Variants in CRIM1 observed in about 807,000 individuals in gnomAD.
CRIM1 encodes the protein cysteine rich transmembrane BMP regulator 1, also known as cysteine-rich motor neuron 1 protein.
CRIM1 carries 32 observed loss-of-function variants against 116.4 expected under a neutral mutation model. The observed-to-expected ratio is 0.27, with a 90% CI of 0.21 to 0.37. CRIM1 has a LOEUF of 0.37. Ranked by LOEUF, CRIM1 falls within the 10% of genes least tolerant of loss-of-function variation. CRIM1 has a pLI of 1.00. For missense variants in CRIM1, 1,331 were observed against 1,354.8 expected (o/e 0.98, Z 0.28); for synonymous variants, 590 against 509.2 (o/e 1.16, Z -2.13).
chr2:36,506,203 ACAC>A (rs1340477627), intron 8 of CRIM1, among the ~76,000 whole-genome samples: 2 of 151,202 alleles, frequency 1.3e-5, no homozygotes, highest in Non-Finnish European at 3.0e-5. Flanking sequence ...ACACACACAC[ACAC>A]ACACACACAC....
At chr2:36,420,797 A>G (rs181927710) in intron 2 of CRIM1, among the ~76,000 whole-genome samples, 171 of 152,342 alleles carry the variant, frequency 1.1e-3, no homozygotes, top group Non-Finnish European at 2.0e-3. Context: ...CCATAGCAGA[A>G]CAGATGGGCA....
At chr2:36,363,219 G>GA (rs1669346462) in intron 1 of CRIM1, among the ~76,000 whole-genome samples, 1 of 142,800 alleles carries the variant, frequency 7.0e-6, no homozygotes, top group Admixed American at 7.0e-5. Flanking sequence ...AAAAAAAAAA[G>GA]AACTTGGTTT....
At chr2:36,509,117 C>G (rs114453867) in intron 8 of CRIM1, among the ~76,000 whole-genome samples, 29 of 152,170 alleles carry the variant, frequency 1.9e-4, no homozygotes, top group Non-Finnish European at 3.2e-4. Flanking sequence ...AAAAGATGTA[C>G]TTTTTTGAAA....
At chr2:36,405,569 C>T (rs899301103) in intron 2 of CRIM1, among the ~76,000 whole-genome samples, 3 of 152,068 alleles carry the variant, frequency 2.0e-5, no homozygotes, top group African/African-American at 7.2e-5. Context: ...TCCAGCAAGC[C>T]CCAGGAGAAG....
At chr2:36,531,936 T>C (rs781504381) in intron 13 of CRIM1, 18 of 470,912 alleles carry the variant, frequency 3.8e-5, no homozygotes, top group Non-Finnish European at 8.8e-6. Flanking sequence ...AAGGACCAGC[T>C]GCATCCAGCA....
chr2:36,389,462 A>T (rs1364662021), intron 1 of CRIM1, among the ~76,000 whole-genome samples: 3 of 152,202 alleles, frequency 2.0e-5, no homozygotes. Flanking sequence ...CTGGAGAATT[A>T]ATTTGATATA....
At chr2:36,357,998 T>C (rs1372688148) in intron 1 of CRIM1, among the ~76,000 whole-genome samples, 1 of 152,188 alleles carries the variant, frequency 6.6e-6, no homozygotes, top group African/African-American at 2.4e-5. Flanking sequence ...CTGAATAGTT[T>C]GGGGTTTGGA....
At chr2:36,400,505 G>A (rs1273241328) in intron 2 of CRIM1, among the ~76,000 whole-genome samples, 2 of 152,088 alleles carry the variant, frequency 1.3e-5, no homozygotes, top group African/African-American at 4.8e-5. Context: ...TAACCTAATT[G>A]CTTATGCTTC....
chr2:36,358,372 C>T (rs948117028), intron 1 of CRIM1, among the ~76,000 whole-genome samples: 5 of 152,206 alleles, frequency 3.3e-5, no homozygotes, highest in Non-Finnish European at 7.3e-5. Context: ...GAACAGGCGA[C>T]ATGAAACACA....
At chr2:36,424,729 A>G (rs1356876401) in intron 2 of CRIM1, among the ~76,000 whole-genome samples, 5 of 152,074 alleles carry the variant, frequency 3.3e-5, no homozygotes, top group Non-Finnish European at 7.4e-5. Context: ...GTTGCCATGC[A>G]CCCTAGTCTC....
intron 13 of CRIM1, among the ~76,000 whole-genome samples, chr2:36,530,479 C>T (rs1300288739): frequency 2.0e-5 from 3 of 152,010 alleles, no homozygotes; most frequent in Non-Finnish European, 1.5e-5. Context: ...AGCATGTGAC[C>T]GACAATACAG....
chr2:36,522,376 C>T (rs1572922164), intron 13 of CRIM1, 63 bp downstream of exon 13: 2 of 1,259,574 alleles, frequency 1.6e-6, no homozygotes, highest in African/African-American at 3.0e-5. Context: ...GTATTGACAG[C>T]CATTTGCTAG....
chr2:36,423,410 C>A (rs370591922), intron 2 of CRIM1, among the ~76,000 whole-genome samples: 1 of 152,220 alleles, frequency 6.6e-6, no homozygotes, highest in African/African-American at 2.4e-5. Flanking sequence ...CTCAGCTACT[C>A]AAGTACCGTA....
chr2:36,465,851 C>T (rs181329549), intron 5 of CRIM1, among the ~76,000 whole-genome samples: 1 of 151,650 alleles, frequency 6.6e-6, no homozygotes, highest in Admixed American at 6.6e-5. Context: ...GGTGAACTAC[C>T]TTGAATTTTG....
intron 11 of CRIM1, among the ~76,000 whole-genome samples, chr2:36,514,205 G>A (rs1664890179): frequency 6.6e-6 from 1 of 152,170 alleles, no homozygotes; most frequent in Non-Finnish European, 1.5e-5. Flanking sequence ...TGAAGTCTGT[G>A]GCTATTGCTC....
chr2:36,408,618 G>A (rs1216127885), intron 2 of CRIM1, among the ~76,000 whole-genome samples: 1 of 152,230 alleles, frequency 6.6e-6, no homozygotes, highest in African/African-American at 2.4e-5. Context: ...TCCGCCTCCT[G>A]CAGAGCGGAG....
chr2:36,368,512 G>C (rs1352502837), intron 1 of CRIM1, among the ~76,000 whole-genome samples: 4 of 152,128 alleles, frequency 2.6e-5, no homozygotes, highest in African/African-American at 9.7e-5. Context: ...GGCATTATTC[G>C]AAAGAAAATG....
chr2:36,446,158 G>C (rs1676227294), intron 4 of CRIM1, among the ~76,000 whole-genome samples: 1 of 152,202 alleles, frequency 6.6e-6, no homozygotes, highest in Admixed American at 6.5e-5. Context: ...TCATGGGCTA[G>C]AAAGTGGGTT....
At chr2:36,445,331 ATC>A (rs1676156451) in intron 4 of CRIM1, among the ~76,000 whole-genome samples, 1 of 152,038 alleles carries the variant, frequency 6.6e-6, no homozygotes, top group Non-Finnish European at 1.5e-5. Flanking sequence ...CACAGCAGTC[ATC>A]TCTCACAGCA....
Sources: gnomAD v4.1 joint callset for allele counts (sites outside exome capture counted in the v4.1 genomes callset) on GRCh38, gnomAD v4.1.1 for gene constraint, MANE v1.5 for transcripts, NCBI Gene and HGNC (gene_info 2026-07-23, HGNC 2026-07-21) for gene names.